Variants in CSRNP3 observed in about 807,000 individuals in gnomAD.
CSRNP3 encodes cysteine/serine-rich nuclear protein 3.
A neutral mutation model predicts 48.0 loss-of-function variants in CSRNP3; 12 were observed. The ratio of observed to expected loss-of-function variants is 0.25; its 90% CI spans 0.16 to 0.41. The LOEUF (loss-of-function observed/expected upper bound fraction) is 0.41. Among genes scored for constraint, CSRNP3 ranks in the 10% least tolerant of loss-of-function variants. CSRNP3 has a pLI of 1.00. For synonymous variants in CSRNP3, 263 were observed against 269.7 expected (o/e 0.98, Z 0.24); for missense variants, 580 against 724.4 (o/e 0.80, Z 2.29).
chr2:165,577,862 C>T (rs1444612366), intron 3 of CSRNP3, among the ~76,000 whole-genome samples: 1 of 151,892 alleles, frequency 6.6e-6, no homozygotes, highest in African/African-American at 2.4e-5. Context: ...AGAAACCTTT[C>T]TCCATATTTC....
intron 4 of CSRNP3, among the ~76,000 whole-genome samples, chr2:165,653,328 A>C (rs138015270): frequency 0.011 from 1,617 of 152,306 alleles, 34 homozygotes; most frequent in African/African-American, 0.037. Flanking sequence ...GTTATGTATA[A>C]TATGCAAATG....
intron 3 of CSRNP3, chr2:165,574,014 A>G (rs1377265845): frequency 4.6e-6 from 1 of 218,414 alleles, no homozygotes; most frequent in Non-Finnish European, 9.0e-6. Context: ...ATAGGACTCT[A>G]AAACAAAGCG....
intron 5 of CSRNP3, among the ~76,000 whole-genome samples, chr2:165,662,930 A>C (rs1687120898): frequency 6.6e-6 from 1 of 152,028 alleles, no homozygotes; most frequent in Non-Finnish European, 1.5e-5. Context: ...TCCTTCCCTC[A>C]TTTAAAAAAC....
At chr2:165,522,052 A>C (rs1684670444) in intron 3 of CSRNP3, among the ~76,000 whole-genome samples, 1 of 152,120 alleles carries the variant, frequency 6.6e-6, no homozygotes, top group African/African-American at 2.4e-5. Flanking sequence ...GCACTTTGGG[A>C]GGTGGAGGTG....
chr2:165,520,419 A>G (rs940423473), intron 3 of CSRNP3, among the ~76,000 whole-genome samples: 1 of 152,044 alleles, frequency 6.6e-6, no homozygotes, highest in African/African-American at 2.4e-5. Context: ...TGGAGTTGAG[A>G]GGTTTAGCCG....
intron 1 of CSRNP3, among the ~76,000 whole-genome samples, chr2:165,492,922 A>G (rs1254539374): frequency 6.9e-6 from 1 of 144,768 alleles, no homozygotes; most frequent in East Asian, 2.0e-4. Context: ...AAAGGATGAT[A>G]CTCAAATTCC....
chr2:165,517,128 A>G (rs1417561283), intron 2 of CSRNP3, among the ~76,000 whole-genome samples: 2 of 152,092 alleles, frequency 1.3e-5, no homozygotes, highest in African/African-American at 2.4e-5. Context: ...ACCTTGACAT[A>G]CAAGAGTAGA....
Position 165,543,253 on chromosome 2 carries a change from T to C in CSRNP3, c.-24+25292T>C, listed in dbSNP as rs578079075. ...CTGTTCATGTATTTTTACATTGTTA[T>C]TCTTTTATTAATGATATTTTAATCT... On this transcript the variant is annotated intron_variant, in intron 3 of 6. Coordinates refer to ENST00000651982, the MANE Select transcript of CSRNP3 (RefSeq NM_001172173.2). 1.4e-3 allele frequency among the ~76,000 whole-genome samples: 214 copies of C among 152,332 alleles called. 2 individuals carry two copies. Among genetic ancestry groups the C allele is most frequent in the African/African-American group, 4.6e-3 (193 of 41,572 alleles).
intron 3 of CSRNP3, among the ~76,000 whole-genome samples, chr2:165,530,764 A>T (rs1684799518): frequency 1.3e-5 from 2 of 152,076 alleles, no homozygotes; most frequent in Non-Finnish European, 2.9e-5. Flanking sequence ...GCCAAAATAA[A>T]TATCTACAAA....
At chr2:165,668,879 G>T (rs1188574736) in intron 5 of CSRNP3, among the ~76,000 whole-genome samples, 2 of 152,134 alleles carry the variant, frequency 1.3e-5, no homozygotes, top group Non-Finnish European at 2.9e-5. Flanking sequence ...GGTCTTGAAA[G>T]CATGGCTCAA....
chr2:165,624,505 T>G (rs1272477780), intron 4 of CSRNP3, among the ~76,000 whole-genome samples: 1 of 152,198 alleles, frequency 6.6e-6, no homozygotes, highest in East Asian at 1.9e-4. Flanking sequence ...TGTGGGTTTA[T>G]CCATTTTGAG....
intron 4 of CSRNP3, among the ~76,000 whole-genome samples, chr2:165,608,139 A>G (rs1419347663): frequency 3.3e-5 from 5 of 151,620 alleles, no homozygotes; most frequent in Non-Finnish European, 5.9e-5. Flanking sequence ...AGATCCCACA[A>G]AAATGAAAAT....
intron 4 of CSRNP3, among the ~76,000 whole-genome samples, chr2:165,606,206 T>C (rs1686008849): frequency 6.6e-6 from 1 of 151,334 alleles, no homozygotes; most frequent in African/African-American, 2.4e-5. Context: ...ATTATGTATT[T>C]GGGTACATTA....
chr2:165,534,982 TA>T, intron 3 of CSRNP3, among the ~76,000 whole-genome samples: 1 of 151,870 alleles, frequency 6.6e-6, no homozygotes, highest in African/African-American at 2.4e-5. Flanking sequence ...AAACTTTCTA[TA>T]AAAAATTATC....
chr2:165,515,730 A>G (rs1487707892), intron 2 of CSRNP3, among the ~76,000 whole-genome samples: 1 of 151,812 alleles, frequency 6.6e-6, no homozygotes, highest in Non-Finnish European at 1.5e-5. Context: ...AATGCTATTT[A>G]TAGACATATG....
At chr2:165,660,488 T>C (rs1487633155) in intron 5 of CSRNP3, among the ~76,000 whole-genome samples, 2 of 152,204 alleles carry the variant, frequency 1.3e-5, no homozygotes, top group African/African-American at 4.8e-5. Context: ...GGTCTGGTAC[T>C]GTGTGCAGTG....
chr2:165,519,272 A>AT (rs71028489), intron 3 of CSRNP3, among the ~76,000 whole-genome samples: 39,781 of 150,802 alleles, frequency 0.26, 5,696 homozygotes, highest in Non-Finnish European at 0.33. Context: ...CATTGCCTAC[A>AT]TTTTTTTTTT....
At chr2:165,495,622 A>T (rs1430777246) in intron 2 of CSRNP3, among the ~76,000 whole-genome samples, 1 of 152,072 alleles carries the variant, frequency 6.6e-6, no homozygotes, top group Non-Finnish European at 1.5e-5. Context: ...CTCTGTGCTT[A>T]TTCAGCCTCA....
intron 4 of CSRNP3, among the ~76,000 whole-genome samples, chr2:165,635,247 G>T (rs1171132735): frequency 6.6e-6 from 1 of 152,202 alleles, no homozygotes; most frequent in Non-Finnish European, 1.5e-5. Flanking sequence ...TGAGATCATA[G>T]TGGAGACAAG....
Sources: allele counts gnomAD v4.1 joint callset (sites outside exome capture counted in the v4.1 genomes callset), GRCh38; gene constraint gnomAD v4.1.1; transcripts MANE v1.5; gene names NCBI Gene and HGNC (gene_info 2026-07-23, HGNC 2026-07-21).